DDHD2: variants seen among roughly 807,000 people sequenced by gnomAD.
The protein encoded by DDHD2 is triacylglycerol hydrolase DDHD2.
Under a neutral mutation model 91.2 loss-of-function variants are expected in DDHD2, and 62 were observed. That is an observed-to-expected ratio of 0.68 (90% CI 0.55 to 0.84). The LOEUF (loss-of-function observed/expected upper bound fraction) is 0.84. DDHD2 is among the 40% of genes least tolerant of loss of function. DDHD2 has a pLI of 0.00. For synonymous variants in DDHD2, 271 were observed against 293.9 expected, an observed-to-expected ratio of 0.92 and a Z score of 0.80; for missense variants, 740 against 846.9, an observed-to-expected ratio of 0.87 and a Z score of 1.57.
At chr8:38,252,903 T>C (rs771223753) in intron 14 of DDHD2, 54 bp from the exon 15 acceptor site, 14 of 1,608,166 alleles carry the variant, frequency 8.7e-6, no homozygotes, top group Non-Finnish European at 1.2e-5. Context: ...TTCAGCTATG[T>C]TGGACCCTAA....
At chr8:38,267,797 G>T, downstream of DDHD2, 2 of 1,221,122 alleles carry the variant, frequency 1.6e-6, no homozygotes, top group Non-Finnish European at 2.4e-6. Context: ...AGATAAAGGA[G>T]AAAAGAATGA....
chr8:38,253,048 T>C lies in DDHD2; in HGVS notation c.1812T>C (p.Ala604=). 6.2e-7 allele frequency: 1 copy of C among 1,614,106 alleles called. No individual in the cohort carries two copies. The highest frequency in any genetic ancestry group is 8.5e-7 in the Non-Finnish European group (1 of 1,180,024). The change falls in exon 15 of 18, where the codon GCT becomes GCC. Residue 604 remains alanine, a synonymous_variant. Coordinates refer to ENST00000397166, the MANE Select transcript of DDHD2 (RefSeq NM_015214.3). ...TGGCCTGGAAGTCTTTTACCAGAGCTCCATACCCTGCCTTACAAGCTTCAG... is the reference window on the plus strand; with the variant it reads ...TGGCCTGGAAGTCTTTTACCAGAGCCCCATACCCTGCCTTACAAGCTTCAG... The part of the protein sequence containing the change: ...LRMAWKSFTR[A]PYPALQASET...
Position 38,260,090 on chromosome 8 carries a change from AG to A in DDHD2, c.2108del (p.Gly703ValfsTer18). 1 of 1,613,698 alleles carries A rather than the reference AG, an allele frequency of 6.2e-7. No homozygotes were observed. Among genetic ancestry groups the A allele is most frequent in the South Asian group, 1.1e-5 (1 of 91,084 alleles). ...LLVLKEIYQTQGIFLDQPLQ is the reference protein window; with the variant it reads ...LLVLKEIYQTXGIFLDQPLQ ...GTCCTCAAAGAGATCTACCAAACCC[AG>A]GGTATCTTCCTTGATCAGCCTTTAC... On this transcript the variant is annotated frameshift_variant, in exon 17 of 18. Transcript: ENST00000397166. LOFTEE classifies it high-confidence loss of function.
At chr8:38,266,934 T>A, downstream of DDHD2, 1 of 689,200 alleles carries the variant, frequency 1.5e-6, no homozygotes, top group Non-Finnish European at 2.0e-6. Context: ...TGAGCTATAA[T>A]TAGGTAAGAA....
At chr8:38,233,593 A>C (rs909612774) in intron 2 of DDHD2, among the ~76,000 whole-genome samples, 3 of 151,454 alleles carry the variant, frequency 2.0e-5, no homozygotes, top group African/African-American at 7.3e-5. Context: ...GCCCCCCAGT[A>C]ATATCTTTAA....
intron 2 of DDHD2, 29 bp downstream of exon 2, chr8:38,233,243 C>G (rs112920396): frequency 2.6e-6 from 4 of 1,537,000 alleles, no homozygotes; most frequent in Non-Finnish European, 3.6e-6. Context: ...TTGGAATAGA[C>G]AAAGACTCTC....
Position 38,260,067 on chromosome 8 carries a change from C to T in DDHD2, c.2082C>T (p.Val694=). 1 of 1,613,516 alleles carries T rather than the reference C, an allele frequency of 6.2e-7. No individual in the cohort carries two copies. The highest frequency in any genetic ancestry group is 8.5e-7 in the Non-Finnish European group (1 of 1,179,502). Residue 694 remains valine, a synonymous_variant, in exon 17 of 18, where the codon GTC becomes GTT. Coordinates refer to ENST00000397166, the MANE Select transcript of DDHD2 (RefSeq NM_015214.3). ...AGTCTGAAGATACAGTATTGCTCGT[C>T]CTCAAAGAGATCTACCAAACCCAGG... The part of the protein sequence containing the change: ...YWESEDTVLL[V]LKEIYQTQGI...
Position 38,249,767 on chromosome 8 carries a change from G to C in DDHD2, c.1308G>C (p.Lys436Asn), listed in dbSNP as rs1805959758. 2 of 1,611,966 alleles carry C rather than the reference G, an allele frequency of 1.2e-6. No homozygotes were observed. The highest frequency in any genetic ancestry group is 1.7e-6 in the Non-Finnish European group (2 of 1,178,692). The change falls in exon 11 of 18, where the codon AAG becomes AAC. Residue 436 changes from lysine to asparagine, a missense_variant. By Grantham distance (94) the Lys-to-Asn change is moderately conservative. This residue lies in a region of DDHD2 where 693 missense variants were observed against 764.2 expected (regional missense o/e 0.91). Coordinates refer to ENST00000397166, the MANE Select transcript of DDHD2 (RefSeq NM_015214.3). ...EIGIPLGPRK[K>N]ILNYFSTRKN... is the part of the protein sequence containing the mutation. Reference sequence around the variant, plus strand: ...GAATTCCTTTAGGACCAAGAAAGAAGATATTAAACTATTTCAGCACCAGAA... The same window carrying C: ...GAATTCCTTTAGGACCAAGAAAGAACATATTAAACTATTTCAGCACCAGAA...
chr8:38,252,493 C>G (rs552366493), intron 13 of DDHD2, among the ~76,000 whole-genome samples: 2 of 151,868 alleles, frequency 1.3e-5, no homozygotes, highest in Admixed American at 1.3e-4. Context: ...ATACATAGTT[C>G]TGGTTGTACA....
intron 4 of DDHD2, among the ~76,000 whole-genome samples, 164 bp downstream of exon 4, chr8:38,237,791 T>A (rs1804920092): frequency 6.6e-6 from 1 of 152,218 alleles, no homozygotes; most frequent in African/African-American, 2.4e-5. Flanking sequence ...CTACTGTTAT[T>A]TACCCAACTC....
At chr8:38,235,712 T>C (rs1372469766) in intron 3 of DDHD2, among the ~76,000 whole-genome samples, 10 of 120,304 alleles carry the variant, frequency 8.3e-5, no homozygotes, top group Admixed American at 4.4e-4. Context: ...CGAGCAAAAC[T>C]CCATCTCAAA....
chr8:38,237,053 G>A (rs1804832782), intron 3 of DDHD2, among the ~76,000 whole-genome samples: 1 of 152,052 alleles, frequency 6.6e-6, no homozygotes, highest in Admixed American at 6.6e-5. Context: ...CCTTTGTCCT[G>A]GTGCTACTAT....
Position 38,253,101 on chromosome 8 carries a change from C to G in DDHD2, c.1865C>G (p.Pro622Arg). The G allele has an allele frequency of 7.4e-6, 12 of 1,613,984 alleles. No individual in the cohort carries two copies. Among genetic ancestry groups the G allele is most frequent in the African/African-American group, 1.3e-5 (1 of 75,034 alleles). Residue 622 changes from proline (P) to arginine (R), a missense_variant, in exon 15 of 18, where the codon CCT (proline) becomes CGT (arginine). Coordinates refer to ENST00000397166, the MANE Select transcript of DDHD2 (RefSeq NM_015214.3). Reference sequence around the variant, plus strand: ...ACACCAGAAGAAACTGAAGCAGAACCTGAATCAACTTCAGAGAAGCCTAGT... The same window carrying G: ...ACACCAGAAGAAACTGAAGCAGAACGTGAATCAACTTCAGAGAAGCCTAGT... ...SETPEETEAE[P>R]ESTSEKPSDV...
chr8:38,246,932 A>G (rs1012858702), intron 9 of DDHD2: 3 of 152,312 alleles, frequency 2.0e-5, no homozygotes, highest in Admixed American at 1.3e-4. Context: ...TTGGCTACAA[A>G]TTGATATGAT....
chr8:38,264,075 A>T (rs1807240657), downstream of DDHD2: 1 of 990,340 alleles, frequency 1.0e-6, no homozygotes, highest in Non-Finnish European at 1.2e-6. Flanking sequence ...AGGGGAAAAA[A>T]AGGCTAGAAT....
At chr8:38,245,636 A>G (rs1805574953) in intron 7 of DDHD2, 106 bp from the exon 8 acceptor site, 1 of 1,048,370 alleles carries the variant, frequency 9.5e-7, no homozygotes, top group South Asian at 1.5e-5. Context: ...TTTCCTATAA[A>G]TCGACAATTG....
At chr8:38,234,607 A>G (rs746829853) in intron 3 of DDHD2, 23 bp downstream of exon 3, 1 of 1,537,828 alleles carries the variant, frequency 6.5e-7, no homozygotes. Flanking sequence ...CTCTTTTTTT[A>G]CTTATTCTTT....
rs371362810 is a variant in DDHD2 at position 38,246,220 on chromosome 8, A to G, written c.1058-13A>G. ...ATGCTTAGAAATTGTCCCTTCTTCTATTTTACTTATAGGTTCGCTTATATT... is the reference window on the plus strand; with the variant it reads ...ATGCTTAGAAATTGTCCCTTCTTCTGTTTTACTTATAGGTTCGCTTATATT... On this transcript the variant is annotated splice_polypyrimidine_tract_variant and intron_variant, in intron 8 of 17. Transcript: ENST00000397166. The G allele has an allele frequency of 3.7e-5, 59 of 1,581,440 alleles. No individual in the cohort carries two copies. In the Admixed American group the frequency reaches 5.6e-4, roughly 15 times the overall value.
chr8:38,249,948 G>C (rs755697618), intron 11 of DDHD2, 145 bp downstream of exon 11: 1 of 471,886 alleles, frequency 2.1e-6, no homozygotes, highest in Non-Finnish European at 3.9e-6. Flanking sequence ...ACAGGGTCTC[G>C]CTCTGTCACT....
Sources: allele counts gnomAD v4.1 joint callset (sites outside exome capture counted in the v4.1 genomes callset), GRCh38; gene constraint gnomAD v4.1.1; regional missense constraint gnomAD v4.1.1; transcripts MANE v1.5; gene names NCBI Gene and HGNC (gene_info 2026-07-23, HGNC 2026-07-21).